TRIM9: variants seen among roughly 807,000 people sequenced by gnomAD.
TRIM9 encodes the protein E3 ubiquitin-protein ligase TRIM9.
A neutral mutation model predicts 78.3 loss-of-function variants in TRIM9; 26 were observed. That is an observed-to-expected ratio of 0.33 (90% CI 0.24 to 0.46). The LOEUF (loss-of-function observed/expected upper bound fraction) is 0.46, where lower values mean the gene tolerates loss of function less well. Among genes scored for constraint, TRIM9 ranks in the 20% least tolerant of loss-of-function variants. The pLI, the probability that TRIM9 is intolerant of heterozygous loss-of-function variation, is 1.00. For missense variants in TRIM9, 787 were observed against 1,036.4 expected (o/e 0.76, Z 3.30); for synonymous variants, 398 against 416.5 (o/e 0.96, Z 0.54).
chr14:51,036,793 T>A (rs1366295889), intron 1 of TRIM9, among the ~76,000 whole-genome samples: 2 of 152,220 alleles, frequency 1.3e-5, no homozygotes, highest in East Asian at 3.8e-4. Context: ...CCATCATTTA[T>A]TTTAAAACTA....
chr14:51,057,005 C>T (rs6572722), intron 1 of TRIM9, among the ~76,000 whole-genome samples: 41,637 of 152,132 alleles, frequency 0.27, 6,181 homozygotes, highest in African/African-American at 0.38. Context: ...AATGAATAAA[C>T]GAACCCATCT....
chr14:50,990,768 C>T (rs879906518), intron 7 of TRIM9, among the ~76,000 whole-genome samples: 8 of 152,124 alleles, frequency 5.3e-5, no homozygotes, highest in South Asian at 4.2e-4. Context: ...TTTTGGAGCA[C>T]GGTAAGGCAA....
At chr14:50,997,479 G>A (rs1449067148) in intron 7 of TRIM9, 1 of 985,710 alleles carries the variant, frequency 1.0e-6, no homozygotes, top group Non-Finnish European at 1.2e-6. Context: ...GGTGCTGACG[G>A]CCTCCGCTTT....
chr14:51,051,028 T>C (rs141289685), intron 1 of TRIM9, among the ~76,000 whole-genome samples: 3 of 152,316 alleles, frequency 2.0e-5, no homozygotes, highest in Non-Finnish European at 2.9e-5. Context: ...TAATGAGTTG[T>C]TTTTAGTTAT....
At chr14:51,083,424 A>G (rs866581750) in intron 1 of TRIM9, among the ~76,000 whole-genome samples, 3 of 130,750 alleles carry the variant, frequency 2.3e-5, no homozygotes, top group African/African-American at 8.2e-5. Context: ...CCAGCTAATT[A>G]AAAAAAATTT....
intron 3 of TRIM9, among the ~76,000 whole-genome samples, chr14:51,014,561 T>C (rs1255849996): frequency 6.6e-6 from 1 of 152,220 alleles, no homozygotes. Flanking sequence ...GTAATTAACT[T>C]AGAGTTTCTG....
At chr14:51,064,176 CTG>C (rs984441967) in intron 1 of TRIM9, among the ~76,000 whole-genome samples, 6 of 152,014 alleles carry the variant, frequency 3.9e-5, no homozygotes, top group African/African-American at 1.4e-4. Context: ...AGAACATAGA[CTG>C]TGTATATTGA....
At chr14:51,077,966 A>G (rs1266730383) in intron 1 of TRIM9, among the ~76,000 whole-genome samples, 1 of 152,216 alleles carries the variant, frequency 6.6e-6, no homozygotes, top group Non-Finnish European at 1.5e-5. Flanking sequence ...CAAACTAGAA[A>G]TCTCCCTCAC....
intron 1 of TRIM9, among the ~76,000 whole-genome samples, chr14:51,028,403 T>A (rs882415): frequency 0.45 from 68,794 of 151,592 alleles, 16,044 homozygotes; most frequent in African/African-American, 0.53. Flanking sequence ...TTTTTATAGG[T>A]TGGTATTTTA....
At position 50,998,115 on chromosome 14, in the gene TRIM9, A is replaced by G. The variant is rs763220267; in HGVS notation, c.1538T>C (p.Val513Ala). ...GACTCCTGTTTTGTTGAAGGCCTTG[A>G]CCCGAGCGTTGTATGTGCTGTTGAA... ...LHFNSTYNAR[V>A]KAFNKTGVSP... Residue 513 changes from valine (V) to alanine (A), a missense_variant, in exon 7 of 13, where the codon GTC becomes GCC. Physicochemically the swap from Val to Ala is moderately conservative, Grantham distance 64. This residue lies in a region of TRIM9 where 421 missense variants were observed against 514.3 expected (regional missense o/e 0.82). Coordinates refer to ENST00000684578, the MANE Select transcript of TRIM9 (RefSeq NM_001387360.1). 2 of 1,614,024 alleles carry G rather than the reference A, an allele frequency of 1.2e-6. No homozygotes were observed.
intron 5 of TRIM9, among the ~76,000 whole-genome samples, chr14:51,008,017 G>A (rs1286879167): frequency 6.6e-6 from 1 of 152,160 alleles, no homozygotes; most frequent in Non-Finnish European, 1.5e-5. Flanking sequence ...TGAATGCTAA[G>A]AGTCATTTAC....
Position 51,094,412 on chromosome 14 carries a change from C to T in TRIM9, c.528G>A (p.Lys176=), listed in dbSNP as rs1287811517. 2.1e-5 allele frequency: 34 copies of T among 1,613,960 alleles called. No homozygotes were observed. The highest frequency in any genetic ancestry group is 1.6e-4 in the Middle Eastern group (1 of 6,062). ...ACTGTTCGCACATGACGGTGGCTTC[C>T]TTGGGCGCCTTCTCGCAGAGCTGGC... ...LKCQLCEKAP[K]EATVMCEQCD... The change falls in exon 1 of 13, where the codon AAG becomes AAA. Residue 176 remains lysine (K), a synonymous_variant. Coordinates refer to ENST00000684578, the MANE Select transcript of TRIM9 (RefSeq NM_001387360.1).
At chr14:50,997,969 G>T in intron 7 of TRIM9, 81 bp downstream of exon 7, 1 of 1,589,752 alleles carries the variant, frequency 6.3e-7, no homozygotes, top group Non-Finnish European at 8.6e-7. Flanking sequence ...TGTGGGCAGT[G>T]GTGGGGTTAC....
rs528502481 is a variant in TRIM9, at chr14:51,079,470, A to G, written c.822+14648T>C. Among the ~76,000 whole-genome samples the G allele has an allele frequency of 1.3e-4, 19 of 150,348 alleles. No homozygotes were observed. In the East Asian group the frequency reaches 1.8e-3, roughly 14 times the overall value. On this transcript the variant is annotated intron_variant, in intron 1 of 12. Coordinates refer to ENST00000684578, the MANE Select transcript of TRIM9 (RefSeq NM_001387360.1). ...ATATGTCAATGGATTCTGTGTTTAC[A>G]TATAGTTTAATCATTTTATGGCATG...
At chr14:51,010,543 G>T in intron 3 of TRIM9, 49 bp from the exon 4 acceptor site, 1 of 1,392,834 alleles carries the variant, frequency 7.2e-7, no homozygotes, top group Non-Finnish European at 1.0e-6. Flanking sequence ...GCAGAGGGTA[G>T]AAGAGAAGCA....
At chr14:51,036,712 CTATTTACGCA>C (rs1188564022) in intron 1 of TRIM9, among the ~76,000 whole-genome samples, 1 of 152,154 alleles carries the variant, frequency 6.6e-6, no homozygotes, top group African/African-American at 2.4e-5. Context: ...TTGGTTGAAT[CTATTTACGCA>C]GAACCCATGC....
chr14:51,021,990 A>T (rs2057797654), intron 3 of TRIM9, among the ~76,000 whole-genome samples: 1 of 150,690 alleles, frequency 6.6e-6, no homozygotes, highest in Admixed American at 6.6e-5. Flanking sequence ...ATTCAAAAAC[A>T]CATTTTTTTG....
At chr14:51,062,492 T>C (rs1230324599) in intron 1 of TRIM9, among the ~76,000 whole-genome samples, 1 of 152,174 alleles carries the variant, frequency 6.6e-6, no homozygotes, top group African/African-American at 2.4e-5. Context: ...CTGGGGAATA[T>C]ATGTAGATAT....
chr14:51,004,643 T>A (rs1240526408), intron 5 of TRIM9, among the ~76,000 whole-genome samples: 1 of 152,224 alleles, frequency 6.6e-6, no homozygotes, highest in Admixed American at 6.5e-5. Flanking sequence ...TATTCACTCA[T>A]TTAATTTTCA....
Sources: allele counts gnomAD v4.1 joint callset (sites outside exome capture counted in the v4.1 genomes callset), GRCh38; gene constraint gnomAD v4.1.1; regional missense constraint gnomAD v4.1.1; transcripts MANE v1.5; gene names NCBI Gene and HGNC (gene_info 2026-07-23, HGNC 2026-07-21).